Variants in MED26 observed in about 807,000 individuals in gnomAD.
The protein encoded by MED26 is mediator complex subunit 26.
MED26 carries 7 observed loss-of-function variants against 43.7 expected under a neutral mutation model. The observed-to-expected ratio is 0.16, with a 90% confidence interval of 0.09 to 0.30. The LOEUF (loss-of-function observed/expected upper bound fraction) is 0.30. MED26 is among the 10% of genes least tolerant of loss of function. The pLI, the probability that MED26 is intolerant of heterozygous loss-of-function variation, is 1.00. For synonymous variants in MED26, 375 were observed against 371.1 expected (o/e 1.01, Z -0.12); for missense variants, 784 against 840.6 (o/e 0.93, Z 0.83).
intron 1 of MED26, among the ~76,000 whole-genome samples, chr19:16,604,103 C>T (rs764461767): frequency 2.0e-5 from 3 of 152,204 alleles, no homozygotes; most frequent in African/African-American, 7.2e-5. Context: ...GATCATGAAG[C>T]GGCTTCTAGC....
At chr19:16,609,260 G>A (rs751920694) in intron 1 of MED26, among the ~76,000 whole-genome samples, 7 of 146,716 alleles carry the variant, frequency 4.8e-5, no homozygotes, top group African/African-American at 7.7e-5. Flanking sequence ...TGCAGCGAGC[G>A]GAGATTGCAC....
rs141265164 is a variant in MED26, at chr19:16,576,909, G to A, written c.921C>T (p.Leu307=). ...GCGGTGACGGCACCTGTGTGGCATCGAGTGCCTGGGGCCGCGGTGAGGGGC... is the reference window on the plus strand; with the variant it reads ...GCGGTGACGGCACCTGTGTGGCATCAAGTGCCTGGGGCCGCGGTGAGGGGC... ...VPSPSPRPQA[L]DATQVPSPLP... Residue 307 remains leucine (L), a synonymous_variant, in exon 3 of 3, where the codon CTC becomes CTT. Coordinates refer to ENST00000263390, the MANE Select transcript of MED26 (RefSeq NM_004831.5). This position sits in a 1 kb window ranked among gnomAD's most constrained non-coding sequence, Gnocchi z 6.8. 1.7e-5 allele frequency: 27 copies of A among 1,601,438 alleles called. No individual in the cohort carries two copies. Among genetic ancestry groups the A allele is most frequent in the Middle Eastern group, 1.7e-4 (1 of 6,030 alleles).
At position 16,577,609 on chromosome 19, in the gene MED26, T is replaced by C. The variant is rs1284056532; in HGVS notation, c.221A>G (p.Lys74Arg). 3.1e-6 allele frequency: 5 copies of C among 1,601,182 alleles called. No individual in the cohort carries two copies. The highest frequency in any genetic ancestry group is 1.1e-5 in the South Asian group (1 of 90,688). ...CTTCTGCCAGCTCCGCAGCAGCTTC[T>C]TGGCCCGCTTGGCGAGCTCCTCGTT... ...TKNEELAKRA[K>R]KLLRSWQKLI... is the part of the protein sequence containing the mutation. Residue 74 changes from lysine to arginine, a missense_variant, in exon 3 of 3, where the codon AAG becomes AGG. By Grantham distance (26) the Lys-to-Arg change is conservative. Coordinates refer to ENST00000263390, the MANE Select transcript of MED26 (RefSeq NM_004831.5). The surrounding 1 kb of genome is among the most constrained non-coding windows in gnomAD (Gnocchi z 8.1).
At chr19:16,621,257 C>T (rs1220857691) in intron 1 of MED26, among the ~76,000 whole-genome samples, 2 of 152,124 alleles carry the variant, frequency 1.3e-5, no homozygotes, top group African/African-American at 4.8e-5. Flanking sequence ...TCTCTCCTAG[C>T]CCCTAAAATG....
chr19:16,585,177 G>C (rs1237257219), intron 1 of MED26, among the ~76,000 whole-genome samples: 1 of 152,186 alleles, frequency 6.6e-6, no homozygotes, highest in Non-Finnish European at 1.5e-5. Flanking sequence ...GAAACAGCAG[G>C]CACCCCTGGG....
intron 1 of MED26, among the ~76,000 whole-genome samples, chr19:16,602,909 C>A (rs1423038187): frequency 6.6e-6 from 1 of 152,206 alleles, no homozygotes; most frequent in African/African-American, 2.4e-5. Context: ...AGATGGTGAT[C>A]ATGACCACAC....
intron 1 of MED26, chr19:16,588,771 A>G (rs1378288082): frequency 6.6e-6 from 1 of 152,286 alleles, no homozygotes; most frequent in Non-Finnish European, 1.5e-5. Context: ...AGGCAGCCTC[A>G]GAGGCCCATT....
At chr19:16,613,174 TAG>T (rs1395961066) in intron 1 of MED26, among the ~76,000 whole-genome samples, 1 of 152,240 alleles carries the variant, frequency 6.6e-6, no homozygotes, top group Non-Finnish European at 1.5e-5. Flanking sequence ...GACGGAGCTG[TAG>T]AGATTCGAAT....
chr19:16,616,864 AC>A (rs796203973), intron 1 of MED26, among the ~76,000 whole-genome samples: 22 of 151,878 alleles, frequency 1.4e-4, no homozygotes, highest in Non-Finnish European at 2.9e-4. Flanking sequence ...GTAGGCAGAC[AC>A]CCCCCCACTG....
At chr19:16,626,006 A>T (rs2086273272) in intron 1 of MED26, among the ~76,000 whole-genome samples, 1 of 152,228 alleles carries the variant, frequency 6.6e-6, no homozygotes, top group African/African-American at 2.4e-5. Context: ...GGACCTATAT[A>T]GCATTTCTGC....
chr19:16,607,376 A>AG (rs2086178725), intron 1 of MED26, among the ~76,000 whole-genome samples: 1 of 113,816 alleles, frequency 8.8e-6, no homozygotes, highest in African/African-American at 3.4e-5. Flanking sequence ...TTTTGTGGGG[A>AG]AAAAAAAAAA....
Position 16,612,690 on chromosome 19 carries a change from T to C in MED26, c.72+15182A>G, listed in dbSNP as rs547681935. Among the ~76,000 whole-genome samples the C allele has an allele frequency of 7.2e-5, 11 of 152,342 alleles. No homozygotes were observed. The East Asian group carries it at 2.1e-3, about 29-fold the overall frequency. On this transcript the variant is annotated intron_variant, in intron 1 of 2. Transcript: ENST00000263390. ...AAGTTGTATTTTGATCATCCCCACC[T>C]GCAACTGCAGCACAGAGAGATTTGG...
chr19:16,579,852 C>T (rs2086035763), intron 1 of MED26, among the ~76,000 whole-genome samples: 1 of 152,180 alleles, frequency 6.6e-6, no homozygotes, highest in Non-Finnish European at 1.5e-5. Context: ...TGTATATAGG[C>T]GTATACATCC....
intron 1 of MED26, among the ~76,000 whole-genome samples, chr19:16,580,315 C>A (rs948280760): frequency 2.6e-5 from 4 of 152,094 alleles, no homozygotes; most frequent in Non-Finnish European, 1.5e-5. Context: ...GGCTGGGATC[C>A]TCTCTAGAGG....
chr19:16,582,442 A>G (rs2086050427), intron 1 of MED26, among the ~76,000 whole-genome samples: 1 of 152,252 alleles, frequency 6.6e-6, no homozygotes, highest in African/African-American at 2.4e-5. Flanking sequence ...GTCTGTCCCA[A>G]AGAACACTTA....
chr19:16,604,984 C>T (rs1387861215), intron 1 of MED26, among the ~76,000 whole-genome samples: 2 of 152,178 alleles, frequency 1.3e-5, no homozygotes, highest in African/African-American at 2.4e-5. Context: ...TCGACAGCAC[C>T]CACCAGCAGT....
intron 1 of MED26, among the ~76,000 whole-genome samples, chr19:16,605,244 T>C (rs963460658): frequency 5.9e-5 from 9 of 152,196 alleles, no homozygotes; most frequent in Non-Finnish European, 1.3e-4. Flanking sequence ...AATAGGCACA[T>C]TGTACTGTAT....
At chr19:16,592,381 A>G (rs1035993222) in intron 1 of MED26, among the ~76,000 whole-genome samples, 2 of 152,196 alleles carry the variant, frequency 1.3e-5, no homozygotes, top group Non-Finnish European at 2.9e-5. Context: ...GCCTCTCCCG[A>G]TGGTGGTGTG....
chr19:16,583,292 A>G (rs1407739509), intron 1 of MED26, among the ~76,000 whole-genome samples: 5 of 152,228 alleles, frequency 3.3e-5, no homozygotes, highest in Non-Finnish European at 7.3e-5. Context: ...TTGCTTTCCC[A>G]AAGGGGCAGG....
Sources: allele counts gnomAD v4.1 joint callset (sites outside exome capture counted in the v4.1 genomes callset), GRCh38; gene constraint gnomAD v4.1.1; non-coding constraint Gnocchi (gnomAD v3.1); transcripts MANE v1.5; gene names NCBI Gene and HGNC (gene_info 2026-07-23, HGNC 2026-07-21).